TENM3: variants seen among roughly 807,000 people sequenced by gnomAD.
TENM3 encodes teneurin transmembrane protein 3.
A neutral mutation model predicts 255.1 loss-of-function variants in TENM3; 63 were observed. The ratio of observed to expected loss-of-function variants is 0.25; its 90% CI spans 0.20 to 0.30. The LOEUF is 0.30. TENM3 is among the 10% of genes least tolerant of loss of function. TENM3 has a pLI of 1.00. For missense variants in TENM3, 2,929 were observed against 3,461.1 expected (o/e 0.85, Z 3.86); for synonymous variants, 1,306 against 1,322.3 (o/e 0.99, Z 0.27).
chr4:181,973,173 TTA>T, the TENM3 span, among the ~76,000 whole-genome samples: 1 of 152,200 alleles, frequency 6.6e-6, no homozygotes, highest in African/African-American at 2.4e-5. Flanking sequence ...ATCCTTCCTC[TTA>T]TAACATATGC....
chr4:182,505,496 G>T, intron 3 of TENM3, among the ~76,000 whole-genome samples: 1 of 150,566 alleles, frequency 6.6e-6, no homozygotes. Context: ...TTATTTTTTT[G>T]AGACAGAGTT....
chr4:182,081,461 G>T, the TENM3 span, among the ~76,000 whole-genome samples: 13 of 151,860 alleles, frequency 8.6e-5, no homozygotes, highest in Non-Finnish European at 2.9e-5. Context: ...GCACGTGCCT[G>T]TAGTCCCAGC....
At chr4:182,262,126 T>C (rs982285214) in intron 1 of TENM3, among the ~76,000 whole-genome samples, 2 of 152,136 alleles carry the variant, frequency 1.3e-5, no homozygotes, top group Non-Finnish European at 2.9e-5. Context: ...AAGAACTGCA[T>C]TTTTTTACAG....
chr4:182,540,770 T>A (rs1740800999), intron 3 of TENM3, among the ~76,000 whole-genome samples: 1 of 152,192 alleles, frequency 6.6e-6, no homozygotes, highest in African/African-American at 2.4e-5. Context: ...CATATATGGC[T>A]TCTGCTCTCA....
At chr4:181,980,341 G>A in the TENM3 span, 1 of 152,070 alleles carries the variant, frequency 6.6e-6, no homozygotes, top group African/African-American at 2.4e-5. Context: ...CATATCACCG[G>A]GGAAGTTGTG....
At chr4:181,473,926 G>A in the TENM3 span, among the ~76,000 whole-genome samples, 1 of 149,446 alleles carries the variant, frequency 6.7e-6, no homozygotes, top group Non-Finnish European at 1.5e-5. Flanking sequence ...AATATATACT[G>A]TATATATAAA....
At chr4:181,776,514 T>C in the TENM3 span, among the ~76,000 whole-genome samples, 2 of 152,232 alleles carry the variant, frequency 1.3e-5, no homozygotes, top group East Asian at 3.9e-4. Context: ...ATAATGGCTG[T>C]ACTCATTTAC....
At chr4:182,296,256 A>G (rs983645591) in intron 1 of TENM3, among the ~76,000 whole-genome samples, 1 of 152,110 alleles carries the variant, frequency 6.6e-6, no homozygotes, top group African/African-American at 2.4e-5. Context: ...TTTTTAAGTT[A>G]TTAAGAAATT....
At chr4:181,609,966 G>A in the TENM3 span, among the ~76,000 whole-genome samples, 3 of 152,158 alleles carry the variant, frequency 2.0e-5, no homozygotes, top group Non-Finnish European at 4.4e-5. Flanking sequence ...CTGCCTGAGT[G>A]TACCCTATCA....
At chr4:181,499,191 A>G in the TENM3 span, among the ~76,000 whole-genome samples, 14,467 of 152,228 alleles carry the variant, frequency 0.095, 838 homozygotes, top group South Asian at 0.23. Context: ...GAGGACGAAC[A>G]TCTCCCAGGG....
At chr4:182,054,575 A>G in the TENM3 span, among the ~76,000 whole-genome samples, 1 of 152,200 alleles carries the variant, frequency 6.6e-6, no homozygotes, top group Non-Finnish European at 1.5e-5. Flanking sequence ...CAAATTGTAC[A>G]TTTAAAAATA....
At chr4:181,823,423 T>C in the TENM3 span, among the ~76,000 whole-genome samples, 3 of 152,140 alleles carry the variant, frequency 2.0e-5, no homozygotes, top group African/African-American at 4.8e-5. Flanking sequence ...ACCATTCATA[T>C]TGAGATCCTC....
At chr4:182,348,626 A>G (rs775052807) in intron 3 of TENM3, among the ~76,000 whole-genome samples, 10 of 152,202 alleles carry the variant, frequency 6.6e-5, no homozygotes, top group African/African-American at 9.7e-5. Flanking sequence ...GTCAGTGTGC[A>G]CTTTCCAAAC....
the TENM3 span, among the ~76,000 whole-genome samples, chr4:181,739,359 C>G: frequency 6.6e-6 from 1 of 152,156 alleles, no homozygotes; most frequent in East Asian, 1.9e-4. Context: ...GAACTGGTGC[C>G]CCTTGTATTG....
At chr4:182,168,494 A>C (rs1369414633) in intron 1 of TENM3, among the ~76,000 whole-genome samples, 1 of 151,984 alleles carries the variant, frequency 6.6e-6, no homozygotes, top group African/African-American at 2.4e-5. Flanking sequence ...TTATTGACTT[A>C]TTTCTTTTTC....
Position 182,737,078 on chromosome 4 carries a change from A to G in TENM3, c.3235+3A>G. 1 of 1,611,060 alleles carries G rather than the reference A, an allele frequency of 6.2e-7. No individual in the cohort carries two copies. The highest frequency in any genetic ancestry group is 8.5e-7 in the Non-Finnish European group (1 of 1,178,610). ...CTATGGTCTATCTGAAGCTGTTGGTAAGTTCCATATAAATCTTTGCTGCAG... is the reference window on the plus strand; with the variant it reads ...CTATGGTCTATCTGAAGCTGTTGGTGAGTTCCATATAAATCTTTGCTGCAG... On this transcript the variant is annotated splice_donor_region_variant and intron_variant, in intron 17 of 27. Coordinates refer to ENST00000511685, the MANE Select transcript of TENM3 (RefSeq NM_001080477.4).
intron 3 of TENM3, among the ~76,000 whole-genome samples, chr4:182,567,891 A>C (rs1015104665): frequency 3.3e-5 from 5 of 151,016 alleles, no homozygotes; most frequent in Non-Finnish European, 5.9e-5. Flanking sequence ...TCATAGAGGT[A>C]ACTCATGCCT....
the TENM3 span, among the ~76,000 whole-genome samples, chr4:181,903,670 C>G: frequency 2.0e-5 from 3 of 152,186 alleles, no homozygotes; most frequent in African/African-American, 4.8e-5. Context: ...TCCTTCCATA[C>G]CTAAAACACC....
chr4:182,731,599 A>G (rs887321888), intron 16 of TENM3, among the ~76,000 whole-genome samples: 1 of 151,974 alleles, frequency 6.6e-6, no homozygotes, highest in African/African-American at 2.4e-5. Flanking sequence ...CTGTCTCAAA[A>G]AAAGACAAAA....
Sources: gnomAD v4.1 joint callset for allele counts (sites outside exome capture counted in the v4.1 genomes callset) on GRCh38, gnomAD v4.1.1 for gene constraint, MANE v1.5 for transcripts, NCBI Gene and HGNC (gene_info 2026-07-23, HGNC 2026-07-21) for gene names.